The following NHERF4 variants were observed in gnomAD, a reference collection of about 807,000 sequenced individuals.
The protein encoded by NHERF4 is NHERF family PDZ scaffold protein 4.
chr11:119,186,000 G>T, the NHERF4 span: 1 of 1,613,954 alleles, frequency 6.2e-7, no homozygotes, highest in East Asian at 2.2e-5. Flanking sequence ...ATTGGAGGCA[G>T]CGAAGCGCTT....
At chr11:119,185,775 A>G in the NHERF4 span, 5 of 1,023,328 alleles carry the variant, frequency 4.9e-6, no homozygotes, top group Admixed American at 1.9e-5. Context: ...TATGGCAGTG[A>G]GAAGAGAAGA....
the NHERF4 span, chr11:119,189,137 C>G: frequency 4.3e-6 from 7 of 1,613,814 alleles, no homozygotes; most frequent in African/African-American, 9.3e-5. This position sits in a 1 kb window ranked among gnomAD's most constrained non-coding sequence, Gnocchi z 5.8. Context: ...TGAGCCACCC[C>G]TCTGCCTGAA....
At chr11:119,186,741 G>A in the NHERF4 span, 1 of 1,518,310 alleles carries the variant, frequency 6.6e-7, no homozygotes, top group Non-Finnish European at 8.9e-7. The surrounding 1 kb of genome is among the most constrained non-coding windows in gnomAD (Gnocchi z 4.4). Flanking sequence ...AGAGAAGCGG[G>A]TTGCTCAGTC....
At chr11:119,189,776 C>G in the NHERF4 span, 1 of 530,574 alleles carries the variant, frequency 1.9e-6, no homozygotes, top group Non-Finnish European at 3.4e-6. This position sits in a 1 kb window ranked among gnomAD's most constrained non-coding sequence, Gnocchi z 5.8. Context: ...GGCTGTGGGT[C>G]TGGCTAGGAT....
chr11:119,189,438 C>T, the NHERF4 span: 1 of 1,613,468 alleles, frequency 6.2e-7, no homozygotes, highest in Non-Finnish European at 8.5e-7. The surrounding 1 kb of genome is among the most constrained non-coding windows in gnomAD (Gnocchi z 5.8). Context: ...CCTGGAATGA[C>T]CTTCTACCTC....
the NHERF4 span, chr11:119,186,515 T>A: frequency 6.2e-7 from 1 of 1,614,190 alleles, no homozygotes; most frequent in Non-Finnish European, 8.5e-7. The surrounding 1 kb of genome is among the most constrained non-coding windows in gnomAD (Gnocchi z 4.4). Context: ...TTCTGTTTAC[T>A]GAGCAAAGAG....
At chr11:119,188,242 C>T in the NHERF4 span, 1 of 1,563,056 alleles carries the variant, frequency 6.4e-7, no homozygotes, top group Non-Finnish European at 8.7e-7. Context: ...GTGTCCCTGT[C>T]TGAGCTCTGG....
chr11:119,186,115 T>C, the NHERF4 span: 1 of 1,613,394 alleles, frequency 6.2e-7, no homozygotes, highest in African/African-American at 1.3e-5. This position sits in a 1 kb window ranked among gnomAD's most constrained non-coding sequence, Gnocchi z 4.4. Flanking sequence ...AACCCAAAGC[T>C]GGGCATTGAT....
chr11:119,188,187 G>A, the NHERF4 span: 3 of 1,515,486 alleles, frequency 2.0e-6, no homozygotes, highest in Non-Finnish European at 8.9e-7. Context: ...GTGGGCCTTG[G>A]GGTGGGCACA....
chr11:119,187,011 C>T, the NHERF4 span, among the ~76,000 whole-genome samples: 15 of 151,936 alleles, frequency 9.9e-5, no homozygotes, highest in Non-Finnish European at 1.3e-4. Context: ...TGGTGGCAGG[C>T]GCCTGTAATC....
the NHERF4 span, chr11:119,186,334 C>T: frequency 4.5e-6 from 7 of 1,553,622 alleles, no homozygotes; most frequent in Admixed American, 3.5e-5. The surrounding 1 kb of genome is among the most constrained non-coding windows in gnomAD (Gnocchi z 4.4). Context: ...AGTCCCTCTG[C>T]CCACGAACCC....
At chr11:119,189,641 C>T in the NHERF4 span, 5 of 850,488 alleles carry the variant, frequency 5.9e-6, no homozygotes, top group Non-Finnish European at 9.7e-6. The surrounding 1 kb of genome is among the most constrained non-coding windows in gnomAD (Gnocchi z 5.8). Context: ...TCCCTCCCTT[C>T]CTGCAGGCCC....
the NHERF4 span, chr11:119,188,644 G>A: frequency 2.5e-5 from 41 of 1,613,950 alleles, no homozygotes; most frequent in Non-Finnish European, 3.2e-5. Flanking sequence ...TTCCAGGTTC[G>A]CCTGTCCCCA....
At chr11:119,187,878 G>A in the NHERF4 span, 1 of 1,478,592 alleles carries the variant, frequency 6.8e-7, no homozygotes, top group Non-Finnish European at 9.0e-7. Flanking sequence ...GGGCTGTGGG[G>A]GGAGCATACC....
the NHERF4 span, chr11:119,185,910 T>A: frequency 6.2e-7 from 1 of 1,614,144 alleles, no homozygotes; most frequent in Non-Finnish European, 8.5e-7. Flanking sequence ...TCTCACCCAC[T>A]TCTTTGCCCA....
At chr11:119,188,231 G>A in the NHERF4 span, 1 of 1,554,896 alleles carries the variant, frequency 6.4e-7, no homozygotes, top group South Asian at 1.2e-5. Context: ...GCACCGAAGA[G>A]GTGTCCCTGT....
chr11:119,189,903 G>A, the NHERF4 span: 1 of 333,654 alleles, frequency 3.0e-6, no homozygotes, highest in East Asian at 5.9e-5. This position sits in a 1 kb window ranked among gnomAD's most constrained non-coding sequence, Gnocchi z 5.8. Context: ...GGAGGGTGGT[G>A]CTTGGTCACC....
the NHERF4 span, chr11:119,187,407 G>A: frequency 6.2e-7 from 1 of 1,614,130 alleles, no homozygotes; most frequent in Non-Finnish European, 8.5e-7. Flanking sequence ...TCCGGCCCCG[G>A]CTGTGCCACA....
chr11:119,185,794 G>T, the NHERF4 span: 3 of 1,218,290 alleles, frequency 2.5e-6, no homozygotes, highest in Non-Finnish European at 3.6e-6. Context: ...GACCCCTTTG[G>T]AGCAGAAAGG....
Sources: allele counts gnomAD v4.1 joint callset (sites outside exome capture counted in the v4.1 genomes callset), GRCh38; gene constraint gnomAD v4.1.1; non-coding constraint Gnocchi (gnomAD v3.1); transcripts MANE v1.5; gene names NCBI Gene and HGNC (gene_info 2026-07-23, HGNC 2026-07-21).